Variants in PSMG4 observed in about 807,000 individuals in gnomAD.
PSMG4 encodes proteasome assembly chaperone 4.
In PSMG4, 10 loss-of-function variants were observed where a neutral mutation model predicts 11.0. That is an observed-to-expected ratio of 0.91 (90% confidence interval 0.56 to 1.54). The LOEUF is 1.54. PSMG4 is among the 40% of genes most tolerant of loss of function. The pLI is 0.00. For missense variants in PSMG4, 198 were observed against 160.9 expected (o/e 1.23, Z -1.25); for synonymous variants, 95 against 71.3 (o/e 1.33, Z -1.68).
At chr6:3,255,422 ACT>A (rs1757727988), upstream of PSMG4, among the ~76,000 whole-genome samples, 1 of 149,870 alleles carries the variant, frequency 6.7e-6, no homozygotes, top group South Asian at 2.1e-4. Flanking sequence ...CTTCGTGGAC[ACT>A]CCAGCCACAT....
In PSMG4 at chr6:3,259,170, C is replaced by T. The variant is rs1470981028; in HGVS notation, c.148C>T (p.Leu50Phe). The change falls in exon 1 of 3, where the codon CTC (leucine) becomes TTC (phenylalanine). Residue 50 changes from leucine to phenylalanine, a missense_variant. Transcript: ENST00000438998. ...WVGATPHLRNLAVAMCSRYDS... is the reference protein window; with the variant it reads ...WVGATPHLRNFAVAMCSRYDS... ...GGGGGCCACGCCGCACCTGCGCAACCTCGCCGTGGCCATGTGCAGCCGCTA... is the reference window on the plus strand; with the variant it reads ...GGGGGCCACGCCGCACCTGCGCAACTTCGCCGTGGCCATGTGCAGCCGCTA... 21 of 1,309,800 alleles carry T rather than the reference C, an allele frequency of 1.6e-5. No individual in the cohort carries two copies. Among genetic ancestry groups the T allele is most frequent in the Non-Finnish European group, 2.0e-5 (21 of 1,030,018 alleles). The allele number at this position is 1,309,800 out of a possible 1,614,324, so 81.1% of individuals were successfully genotyped here.
chr6:3,267,797 G>A lies in PSMG4; in HGVS notation c.*85G>A, dbSNP rs1002903820. The A allele has an allele frequency of 2.7e-5, 37 of 1,388,300 alleles. No homozygotes were observed. In the African/African-American group the frequency reaches 4.0e-4, roughly 15 times the overall value. 86.0% of individuals were successfully genotyped at this position (1,388,300 alleles called of 1,614,324 possible). ...TTGAATTTCAGTTTGTCATCAGGCC[G>A]CGCTCCCGTTTTGTTTTTAAGGGGT... On this transcript the variant is annotated 3_prime_UTR_variant, in exon 3 of 3. Transcript: ENST00000438998.
chr6:3,258,500 G>A (rs1757839589), upstream of PSMG4, among the ~76,000 whole-genome samples: 2 of 152,292 alleles, frequency 1.3e-5, no homozygotes, highest in Admixed American at 6.5e-5. Flanking sequence ...GAGGTGGGAC[G>A]GGAGGTGGCC....
upstream of PSMG4, among the ~76,000 whole-genome samples, chr6:3,254,467 T>G (rs1053623645): frequency 2.0e-5 from 3 of 151,802 alleles, no homozygotes; most frequent in African/African-American, 4.9e-5. Flanking sequence ...TTGTGTGTCT[T>G]TTTAGATAAA....
At chr6:3,265,315 C>T (rs1222475276) in intron 2 of PSMG4, 1 of 152,116 alleles carries the variant, frequency 6.6e-6, no homozygotes, top group Non-Finnish European at 1.5e-5. Flanking sequence ...GAGAGGTGTC[C>T]TGAATCAGTA....
upstream of PSMG4, among the ~76,000 whole-genome samples, chr6:3,257,035 A>G (rs1757790449): frequency 6.6e-6 from 1 of 152,212 alleles, no homozygotes; most frequent in Admixed American, 6.5e-5. Flanking sequence ...GGACATCTTT[A>G]TCTTTCACTG....
upstream of PSMG4, chr6:3,255,301 A>G (rs556430650): frequency 1.1e-4 from 167 of 1,522,086 alleles, no homozygotes; most frequent in Non-Finnish European, 1.3e-4. Context: ...CCATCCTGGG[A>G]GAGTGGTGGA....
upstream of PSMG4, chr6:3,255,094 C>G (rs58557369): frequency 1.3e-6 from 2 of 1,551,028 alleles, no homozygotes; most frequent in Non-Finnish European, 1.7e-6. Flanking sequence ...AAGAAGTTGG[C>G]TGCATAGGAG....
rs1758256203 is a variant in PSMG4 at position 3,267,849 on chromosome 6, G to A, written c.*137G>A. The A allele has an allele frequency of 1.1e-6, 1 of 904,704 alleles. No homozygotes were observed. Among genetic ancestry groups the A allele is most frequent in the East Asian group, 2.9e-5 (1 of 34,708 alleles). 56.0% of individuals were successfully genotyped at this position (904,704 alleles called of 1,614,324 possible). ...AATCTTTTGAGCTTCCTTCTCAGCAGTGTGTGGGCCAAAAGGCTCATACTG... is the reference window on the plus strand; with the variant it reads ...AATCTTTTGAGCTTCCTTCTCAGCAATGTGTGGGCCAAAAGGCTCATACTG... On this transcript the variant is annotated 3_prime_UTR_variant, in exon 3 of 3. Coordinates refer to ENST00000438998, the MANE Select transcript of PSMG4 (RefSeq NM_001128591.2).
intron 2 of PSMG4, chr6:3,263,999 G>A (rs1358472460): frequency 7.6e-7 from 1 of 1,315,194 alleles, no homozygotes; most frequent in African/African-American, 1.5e-5. Context: ...CCTCGTCCTT[G>A]GGTGTGTCCT....
At chr6:3,259,299 C>G (rs1757878125) in intron 1 of PSMG4, 103 bp downstream of exon 1, 22 of 1,059,116 alleles carry the variant, frequency 2.1e-5, no homozygotes, top group Non-Finnish European at 2.5e-5. Context: ...GTCCACAGGG[C>G]GCCCTACTCC....
At chr6:3,257,944 C>T (rs1757821088), upstream of PSMG4, among the ~76,000 whole-genome samples, 1 of 152,310 alleles carries the variant, frequency 6.6e-6, no homozygotes, top group Non-Finnish European at 1.5e-5. Context: ...GCAAATAGAA[C>T]TATGGAAAAT....
At chr6:3,255,168 C>A (rs748701250), upstream of PSMG4, 2 of 1,549,774 alleles carry the variant, frequency 1.3e-6, no homozygotes, top group South Asian at 1.2e-5. Flanking sequence ...ATACTGACGG[C>A]TTACATGTGC....
chr6:3,267,182 T>G (rs990077531), intron 2 of PSMG4: 1 of 153,124 alleles, frequency 6.5e-6, no homozygotes, highest in Non-Finnish European at 1.5e-5. Context: ...TTTTTTTTTT[T>G]TTTTTAAATC....
At chr6:3,260,891 CCT>C (rs1757966091) in intron 1 of PSMG4, among the ~76,000 whole-genome samples, 1 of 152,234 alleles carries the variant, frequency 6.6e-6, no homozygotes, top group South Asian at 2.1e-4. Flanking sequence ...GGCTCTGTTA[CCT>C]CTTAGAGCTC....
chr6:3,264,946 C>T (rs78212521), intron 2 of PSMG4: 2 of 152,276 alleles, frequency 1.3e-5, no homozygotes, highest in East Asian at 1.9e-4. Context: ...GGAGAAGGCT[C>T]AGGAAGGTAT....
upstream of PSMG4, among the ~76,000 whole-genome samples, chr6:3,258,431 C>T (rs371963472): frequency 6.6e-6 from 1 of 152,216 alleles, no homozygotes; most frequent in Non-Finnish European, 1.5e-5. Context: ...CGTTGCCATT[C>T]TTAATTAGGG....
chr6:3,256,472 TTCC>T (rs1271662849), upstream of PSMG4, among the ~76,000 whole-genome samples: 9 of 152,324 alleles, frequency 5.9e-5, no homozygotes, highest in Non-Finnish European at 1.2e-4. Flanking sequence ...ATGTTGCATC[TTCC>T]TCCTCCTGTG....
intron 1 of PSMG4, among the ~76,000 whole-genome samples, chr6:3,262,432 A>G (rs1328867303): frequency 6.6e-6 from 1 of 152,230 alleles, no homozygotes; most frequent in Non-Finnish European, 1.5e-5. Flanking sequence ...CAGCAGGCTC[A>G]TTAAGATATT....
Sources: allele counts gnomAD v4.1 joint callset (sites outside exome capture counted in the v4.1 genomes callset), GRCh38; gene constraint gnomAD v4.1.1; transcripts MANE v1.5; gene names NCBI Gene and HGNC (gene_info 2026-07-23, HGNC 2026-07-21).